The following CDC40 variants were observed in gnomAD, a reference collection of about 807,000 sequenced individuals.
CDC40 encodes cell division cycle 40.
CDC40 carries 27 observed loss-of-function variants against 80.6 expected under a neutral mutation model. That is an observed-to-expected ratio of 0.33 (90% CI 0.25 to 0.46). The LOEUF is 0.46. CDC40 is among the 20% of genes least tolerant of loss of function. The pLI is 1.00. For missense variants in CDC40, 486 were observed against 694.1 expected, an observed-to-expected ratio of 0.70 and a Z score of 3.37; for synonymous variants, 221 against 232.6, an observed-to-expected ratio of 0.95 and a Z score of 0.45.
chr6:110,185,779 A>G (rs1217122558), intron 1 of CDC40, among the ~76,000 whole-genome samples: 2 of 152,226 alleles, frequency 1.3e-5, no homozygotes, highest in Non-Finnish European at 2.9e-5. Context: ...TATACATCAG[A>G]ACATGTGAGG....
At chr6:110,182,602 C>G (rs981482950) in intron 1 of CDC40, among the ~76,000 whole-genome samples, 1 of 152,224 alleles carries the variant, frequency 6.6e-6, no homozygotes, top group African/African-American at 2.4e-5. Flanking sequence ...TCTCTCACAT[C>G]AACTCCTTCC....
chr6:110,217,628 T>C (rs190128336), intron 9 of CDC40, 74 bp from the exon 10 acceptor site: 1 of 758,662 alleles, frequency 1.3e-6, no homozygotes, highest in African/African-American at 1.7e-5. Context: ...TTTGTCTTTA[T>C]GGTGTTAATG....
Position 110,212,168 on chromosome 6 carries a change from C to G in CDC40, c.763C>G (p.Leu255Val). The G allele has an allele frequency of 6.2e-7, 1 of 1,613,532 alleles. No individual in the cohort carries two copies. The highest frequency in any genetic ancestry group is 8.5e-7 in the Non-Finnish European group (1 of 1,179,464). ...EMYDYQGRSY[L>V]HIPQDVGVNL... ...GTATGACTATCAAGGCAGGTCCTAT[C>G]TTCACATACCTCAGGATGTTGGTGT... Residue 255 changes from leucine (L) to valine (V), a missense_variant, in exon 7 of 15, where the codon CTT becomes GTT. Leu to Val is a conservative substitution (Grantham distance 32, BLOSUM62 1). Coordinates refer to ENST00000307731, the MANE Select transcript of CDC40 (RefSeq NM_015891.3).
rs181494971 is a variant in CDC40, at chr6:110,220,767, G to A, written c.1340+898G>A. Among the ~76,000 whole-genome samples the A allele has an allele frequency of 2.8e-3, 423 of 152,192 alleles. 3 individuals carry two copies. Among genetic ancestry groups the A allele is most frequent in the South Asian group, 0.02 (95 of 4,814 alleles). The stretch of plus-strand genomic sequence containing the variant: ...GCCAGAAAGGCACTTCTTACATGGC[G>A]GCAGCAAGAGAGGGAATGAGAGCCA... On this transcript the variant is annotated intron_variant, in intron 12 of 14. Transcript: ENST00000307731.
In CDC40 at chr6:110,201,532, TTA is replaced by T. The variant is rs201998473; in HGVS notation, c.277-24_277-23del. On this transcript the variant is annotated intron_variant, in intron 2 of 14. Transcript: ENST00000307731. The stretch of plus-strand genomic sequence containing the variant: ...ACTTTTGTGTCTTTCTTATTTTATT[TTA>T]TTTTTTTTCTTGTAACATTGCAGTT... The T allele has an allele frequency of 1.1e-4, 176 of 1,543,318 alleles. No individual in the cohort carries two copies. In the East Asian group the frequency reaches 2.5e-3, roughly 22 times the overall value.
chr6:110,203,859 T>C (rs1182441163), intron 3 of CDC40, among the ~76,000 whole-genome samples: 1 of 152,218 alleles, frequency 6.6e-6, no homozygotes, highest in Non-Finnish European at 1.5e-5. Flanking sequence ...TTGGGGCTTC[T>C]CAATGAAGTT....
chr6:110,197,277 A>G (rs550728170), intron 2 of CDC40, among the ~76,000 whole-genome samples: 1 of 152,336 alleles, frequency 6.6e-6, no homozygotes, highest in East Asian at 1.9e-4. Context: ...AGTGATCTGA[A>G]TTAGTACTTA....
chr6:110,201,137 G>GT (rs1214091151), intron 2 of CDC40, among the ~76,000 whole-genome samples: 1 of 152,000 alleles, frequency 6.6e-6, no homozygotes, highest in Non-Finnish European at 1.5e-5. Context: ...GAAACATGTA[G>GT]TTTTTAAAAA....
intron 9 of CDC40, among the ~76,000 whole-genome samples, chr6:110,215,981 G>A (rs145201395): frequency 6.6e-6 from 1 of 152,314 alleles, no homozygotes; most frequent in East Asian, 1.9e-4. Context: ...GAGGCTGGAT[G>A]AACGATGGTG....
intron 2 of CDC40, 128 bp from the exon 3 acceptor site, chr6:110,201,428 GCT>G: frequency 1.7e-6 from 1 of 600,162 alleles, no homozygotes; most frequent in Non-Finnish European, 2.8e-6. Flanking sequence ...ACCGTATCAG[GCT>G]AATGTGTTCC....
At chr6:110,209,292 A>G (rs1303037020) in intron 5 of CDC40, 69 bp downstream of exon 5, 1 of 1,399,744 alleles carries the variant, frequency 7.1e-7, no homozygotes, top group Non-Finnish European at 1.0e-6. Context: ...ATCTACATTA[A>G]TAAACTTGAG....
At position 110,180,641 on chromosome 6, in the gene CDC40, C is replaced by G; in HGVS notation, c.189+8C>G. 1 of 1,603,644 alleles carries G rather than the reference C, an allele frequency of 6.2e-7. No individual in the cohort carries two copies. Among genetic ancestry groups the G allele is most frequent in the East Asian group, 2.2e-5 (1 of 44,746 alleles). On this transcript the variant is annotated splice_region_variant and intron_variant, in intron 1 of 14. Coordinates refer to ENST00000307731, the MANE Select transcript of CDC40 (RefSeq NM_015891.3). The stretch of plus-strand genomic sequence containing the variant: ...CCGGAGGTGGCAGTTAAGGTAAGCA[C>G]TTTTGCTACTAATGCAGTGTGGGAA...
chr6:110,194,235 G>T (rs1444896719), intron 2 of CDC40, among the ~76,000 whole-genome samples: 5 of 152,140 alleles, frequency 3.3e-5, no homozygotes, highest in Non-Finnish European at 7.4e-5. Flanking sequence ...CCAGAAAATG[G>T]TAATTATAAA....
Position 110,193,689 on chromosome 6 carries a change from G to A in CDC40, c.276+421G>A, listed in dbSNP as rs147516138. ...CAAAGTGCTGGGATTACAGGCATGA[G>A]CCACTGCGCCCAGCCGAAAATACAT... On this transcript the variant is annotated intron_variant, in intron 2 of 14. Transcript: ENST00000307731. Among the ~76,000 whole-genome samples the A allele has an allele frequency of 2.3e-3, 348 of 152,316 alleles. 1 individual carries two copies. The highest frequency in any genetic ancestry group is 8.1e-3 in the African/African-American group (336 of 41,566).
chr6:110,200,660 A>G (rs1777483130), intron 2 of CDC40, among the ~76,000 whole-genome samples: 1 of 152,156 alleles, frequency 6.6e-6, no homozygotes, highest in African/African-American at 2.4e-5. Context: ...GAACTTTATG[A>G]TGTAATAGAA....
intron 12 of CDC40, among the ~76,000 whole-genome samples, chr6:110,224,847 A>G (rs896549087): frequency 6.6e-6 from 1 of 152,260 alleles, no homozygotes; most frequent in Non-Finnish European, 1.5e-5. Context: ...TTGTTAACAC[A>G]TTGATCAATA....
At chr6:110,212,039 A>G (rs1324846238) in intron 6 of CDC40, 94 bp from the exon 7 acceptor site, 2 of 1,035,906 alleles carry the variant, frequency 1.9e-6, no homozygotes, top group Non-Finnish European at 2.9e-6. Flanking sequence ...ATATGGAATG[A>G]TATACCTGTG....
chr6:110,190,641 G>A (rs1387897961), intron 1 of CDC40, among the ~76,000 whole-genome samples: 3 of 152,158 alleles, frequency 2.0e-5, no homozygotes, highest in African/African-American at 4.8e-5. Context: ...CAACTGCCAC[G>A]TTGGTGGTCA....
intron 1 of CDC40, among the ~76,000 whole-genome samples, chr6:110,191,314 A>G (rs924028649): frequency 3.3e-5 from 5 of 152,122 alleles, no homozygotes; most frequent in African/African-American, 1.2e-4. Context: ...AATCCCACCT[A>G]TTTTGCAGAA....
Sources: allele counts gnomAD v4.1 joint callset (sites outside exome capture counted in the v4.1 genomes callset), GRCh38; gene constraint gnomAD v4.1.1; transcripts MANE v1.5; gene names NCBI Gene and HGNC (gene_info 2026-07-23, HGNC 2026-07-21).